Variants in CNOT4 observed in about 807,000 individuals in gnomAD.
The protein encoded by CNOT4 is CCR4-associated factor 4.
CNOT4 carries 8 observed loss-of-function variants against 73.8 expected under a neutral mutation model. The observed-to-expected ratio is 0.11, with a 90% CI of 0.06 to 0.20. The LOEUF (loss-of-function observed/expected upper bound fraction) is 0.20, where lower values mean the gene tolerates loss of function less well. Ranked by LOEUF, CNOT4 falls within the 10% of genes least tolerant of loss-of-function variation. CNOT4 has a pLI of 1.00. For synonymous variants in CNOT4, 293 were observed against 321.1 expected (o/e 0.91, Z 0.94); for missense variants, 564 against 883.4 (o/e 0.64, Z 4.58).
intron 1 of CNOT4, among the ~76,000 whole-genome samples, chr7:135,445,180 T>C: frequency 6.6e-6 from 1 of 152,224 alleles, no homozygotes; most frequent in Non-Finnish European, 1.5e-5. Flanking sequence ...CAGCTTCTTA[T>C]AAGACTCACA....
intron 10 of CNOT4, among the ~76,000 whole-genome samples, chr7:135,378,570 T>C (rs1474595350): frequency 6.6e-6 from 1 of 151,052 alleles, no homozygotes; most frequent in East Asian, 1.9e-4. Flanking sequence ...CAGTTTGGAA[T>C]AAGCTGACAG....
intron 1 of CNOT4, among the ~76,000 whole-genome samples, chr7:135,484,499 G>A (rs1233370567): frequency 6.6e-6 from 1 of 152,120 alleles, no homozygotes; most frequent in East Asian, 1.9e-4. Context: ...TTTTGTGCCT[G>A]TAATCCCAGC....
Position 135,436,785 on chromosome 7 carries a change from GATAA to G in CNOT4, c.174+1369_174+1372del, listed in dbSNP as rs573828269. 2.1e-3 allele frequency among the ~76,000 whole-genome samples: 326 copies of G among 151,850 alleles called. 1 individual carries two copies. The highest frequency in any genetic ancestry group is 7.0e-3 in the African/African-American group (290 of 41,442). ...ACTGGATTAATTTTAAAAATCTAATGATAAATAAACAATGCATTGCCTTCTGAGA... is the reference window on the plus strand; with the variant it reads ...ACTGGATTAATTTTAAAAATCTAATGATAAACAATGCATTGCCTTCTGAGA... On this transcript the variant is annotated intron_variant, in intron 2 of 11. Coordinates refer to ENST00000541284, the MANE Select transcript of CNOT4 (RefSeq NM_001190850.2).
chr7:135,406,159 A>G (rs900889475), intron 7 of CNOT4, among the ~76,000 whole-genome samples: 5 of 152,076 alleles, frequency 3.3e-5, no homozygotes, highest in African/African-American at 4.8e-5. Context: ...ACCCTGGGTG[A>G]TGGCAATGTG....
Position 135,362,618 on chromosome 7 carries a change from AT to A in CNOT4, c.*266del, listed in dbSNP as rs927120468. ...TTCTAAGTATTGAGACTGCCCTTTG[AT>A]TTTTTTTTCTCTCCTTAAAAAGGCA... On this transcript the variant is annotated 3_prime_UTR_variant, in exon 12 of 12. Coordinates refer to ENST00000541284, the MANE Select transcript of CNOT4 (RefSeq NM_001190850.2). 6.3e-5 allele frequency: 36 copies of A among 571,016 alleles called. No homozygotes were observed. Among genetic ancestry groups the A allele is most frequent in the Middle Eastern group, 3.0e-4 (1 of 3,294 alleles). The allele number at this position is 571,016 out of a possible 1,614,324, so 35.4% of individuals were successfully genotyped here.
rs1794714746 is a variant in CNOT4 at position 135,362,934 on chromosome 7, C to T, written c.2093G>A (p.Ser698Asn). 1.2e-6 allele frequency: 2 copies of T among 1,605,178 alleles called. No individual in the cohort carries two copies. The highest frequency in any genetic ancestry group is 4.5e-5 in the East Asian group (2 of 44,574). ...CTGTAGTAAATCTGTGGGGGTTTTG[C>T]TGGGGGGTCTGAAGGCTGTCTGAAA... ...PGFQTAFRPP[S>N]KTPTDLLQSS... The change falls in exon 12 of 12, where the codon AGC (serine) becomes AAC (asparagine). Residue 698 changes from serine to asparagine, a missense_variant. Around this residue, in one of 10 missense-constraint regions of CNOT4, gnomAD observed 88 missense variants for 94.7 expected, o/e 0.93. Transcript: ENST00000541284.
intron 1 of CNOT4, among the ~76,000 whole-genome samples, chr7:135,507,064 TAA>T (rs985535728): frequency 6.6e-6 from 1 of 152,146 alleles, no homozygotes; most frequent in Non-Finnish European, 1.5e-5. Flanking sequence ...ATTTTTAAAA[TAA>T]GACTCCCCTA....
At chr7:135,478,567 T>C (rs1802145915) in intron 1 of CNOT4, among the ~76,000 whole-genome samples, 1 of 152,084 alleles carries the variant, frequency 6.6e-6, no homozygotes, top group South Asian at 2.1e-4. Context: ...CCAGGCATGG[T>C]GGCACGTGCC....
rs1794699630 is a variant in CNOT4 at position 135,362,643 on chromosome 7, C to T, written c.*242G>A. The T allele has an allele frequency of 1.6e-6, 1 of 608,224 alleles. No individual in the cohort carries two copies. The highest frequency in any genetic ancestry group is 1.9e-5 in the African/African-American group (1 of 53,962). 37.7% of individuals were successfully genotyped at this position (608,224 alleles called of 1,614,324 possible). On this transcript the variant is annotated 3_prime_UTR_variant, in exon 12 of 12. Coordinates refer to ENST00000541284, the MANE Select transcript of CNOT4 (RefSeq NM_001190850.2). Reference sequence around the variant, plus strand: ...ATTTTTTTTTCTCTCCTTAAAAAGGCATTTTTAGAAACATTCAACAGTGTC... The same window carrying T: ...ATTTTTTTTTCTCTCCTTAAAAAGGTATTTTTAGAAACATTCAACAGTGTC...
chr7:135,400,933 T>C (rs1456147663), intron 7 of CNOT4, among the ~76,000 whole-genome samples: 1 of 152,212 alleles, frequency 6.6e-6, no homozygotes, highest in Non-Finnish European at 1.5e-5. Flanking sequence ...ATTATTTTAC[T>C]TCCTATGTGG....
chr7:135,424,580 T>C (rs1255113241), intron 2 of CNOT4, among the ~76,000 whole-genome samples: 1 of 150,612 alleles, frequency 6.6e-6, no homozygotes, highest in African/African-American at 2.4e-5. Context: ...AGGTCAGGAG[T>C]TCAAGACCAG....
intron 1 of CNOT4, among the ~76,000 whole-genome samples, chr7:135,464,024 C>CAAAAAAAAAAAA (rs747402254): frequency 2.7e-5 from 3 of 109,638 alleles, no homozygotes; most frequent in Non-Finnish European, 3.6e-5. Context: ...ATTAAAAAGT[C>CAAAAAAAAAAAA]AAAAAAAAAA....
At chr7:135,379,774 C>T (rs1464334729) in intron 10 of CNOT4, among the ~76,000 whole-genome samples, 2 of 152,042 alleles carry the variant, frequency 1.3e-5, no homozygotes, top group African/African-American at 4.8e-5. Flanking sequence ...GGATACTAAA[C>T]ATATAGATGT....
intron 2 of CNOT4, among the ~76,000 whole-genome samples, chr7:135,433,371 T>C (rs186208420): frequency 0.019 from 2,728 of 146,590 alleles, 25 homozygotes; most frequent in Non-Finnish European, 0.029. Flanking sequence ...TTTTTTTTTT[T>C]CTTGAGGTAG....
intron 1 of CNOT4, among the ~76,000 whole-genome samples, chr7:135,476,153 G>A (rs1007180975): frequency 6.6e-5 from 10 of 152,070 alleles, no homozygotes; most frequent in Admixed American, 5.2e-4. Context: ...AAAAAAACCT[G>A]AGAAAAATCT....
intron 2 of CNOT4, among the ~76,000 whole-genome samples, chr7:135,429,527 T>C (rs561774199): frequency 6.6e-6 from 1 of 152,324 alleles, no homozygotes; most frequent in African/African-American, 2.4e-5. Flanking sequence ...ATCATCACAT[T>C]ATGCAACTTG....
At chr7:135,395,488 T>C (rs1258555312) in intron 9 of CNOT4, 146 bp downstream of exon 9, 2 of 879,070 alleles carry the variant, frequency 2.3e-6, no homozygotes, top group East Asian at 2.5e-5. Flanking sequence ...AACCACCTAA[T>C]TCCATGTAGT....
chr7:135,425,241 G>C (rs1241226071), intron 2 of CNOT4, among the ~76,000 whole-genome samples: 1 of 152,226 alleles, frequency 6.6e-6, no homozygotes, highest in Non-Finnish European at 1.5e-5. Context: ...AGATTTTTCT[G>C]AGAACTGGCA....
In CNOT4 at chr7:135,420,750, G is replaced by C. The variant is rs548220562; in HGVS notation, c.372+1406C>G. ...TAGAGTTAAAAGATGGAGATAAAAG[G>C]ATTAGTGCAAAGTTGAGATGTTGTT... On this transcript the variant is annotated intron_variant, in intron 3 of 11. Coordinates refer to ENST00000541284, the MANE Select transcript of CNOT4 (RefSeq NM_001190850.2). Among the ~76,000 whole-genome samples, 19 of 151,860 alleles carry C rather than the reference G, an allele frequency of 1.3e-4. No individual in the cohort carries two copies. In the East Asian group the frequency reaches 3.3e-3, roughly 26 times the overall value.
Sources: gnomAD v4.1 joint callset for allele counts (sites outside exome capture counted in the v4.1 genomes callset) on GRCh38, gnomAD v4.1.1 for gene constraint, gnomAD v4.1.1 regional missense constraint, MANE v1.5 for transcripts, NCBI Gene and HGNC (gene_info 2026-07-23, HGNC 2026-07-21) for gene names.